The following HSDL1 variants were observed in gnomAD, a reference collection of about 807,000 sequenced individuals.
HSDL1 encodes the protein hydroxysteroid dehydrogenase like 1.
Under a neutral mutation model 31.5 loss-of-function variants are expected in HSDL1, and 29 were observed. The observed-to-expected ratio is 0.92, with a 90% CI of 0.69 to 1.26. The LOEUF (loss-of-function observed/expected upper bound fraction) is 1.26, where lower values mean the gene tolerates loss of function less well. Ranked by LOEUF, HSDL1 falls within the 50% of genes most tolerant of loss-of-function variation. The pLI is 0.00. For synonymous variants in HSDL1, 222 were observed against 155.2 expected (o/e 1.43, Z -3.20); for missense variants, 503 against 416.6 (o/e 1.21, Z -1.81).
chr16:84,143,541 T>C (rs984622956), intron 1 of HSDL1, among the ~76,000 whole-genome samples: 5 of 152,192 alleles, frequency 3.3e-5, no homozygotes, highest in Non-Finnish European at 5.9e-5. Flanking sequence ...TGCATAGCAT[T>C]GTGACTATAG....
intron 1 of HSDL1, among the ~76,000 whole-genome samples, chr16:84,137,388 C>T (rs950826765): frequency 6.6e-6 from 1 of 152,208 alleles, no homozygotes; most frequent in Non-Finnish European, 1.5e-5. Context: ...GGCGCACAGG[C>T]GTGAAGGAGA....
Position 84,124,581 on chromosome 16 carries a change from T to G in HSDL1, c.*49A>C, listed in dbSNP as rs1467025623. 9.3e-7 allele frequency: 1 copy of G among 1,077,276 alleles called. No homozygotes were observed. The highest frequency in any genetic ancestry group is 1.6e-5 in the African/African-American group (1 of 64,368). The allele number at this position is 1,077,276 out of a possible 1,614,324, so 66.7% of individuals were successfully genotyped here. A position where few individuals can be genotyped will look rare whatever the true frequency, so the allele number is the denominator to read the frequency against. On this transcript the variant is annotated 3_prime_UTR_variant, in exon 6 of 6. Transcript: ENST00000219439. ...AAATGTGTTTTTCCAAATGTCAGAATATCGAGGTTCCCAGGAGTTGGCAAA... is the reference window on the plus strand; with the variant it reads ...AAATGTGTTTTTCCAAATGTCAGAAGATCGAGGTTCCCAGGAGTTGGCAAA...
chr16:84,141,416 C>T (rs536680408), intron 1 of HSDL1, among the ~76,000 whole-genome samples: 10 of 152,206 alleles, frequency 6.6e-5, no homozygotes, highest in Non-Finnish European at 1.0e-4. Context: ...ACAGGTCCCC[C>T]TGCTGCTGGT....
chr16:84,142,133 G>C (rs761172997), intron 1 of HSDL1, among the ~76,000 whole-genome samples: 1 of 152,214 alleles, frequency 6.6e-6, no homozygotes, highest in South Asian at 2.1e-4. Context: ...TCACCATGTT[G>C]CCCAGGCTGG....
chr16:84,139,056 G>A (rs972938204), intron 1 of HSDL1, among the ~76,000 whole-genome samples: 4 of 152,194 alleles, frequency 2.6e-5, no homozygotes, highest in Non-Finnish European at 2.9e-5. Context: ...GACGTGGGGC[G>A]GGTGGTGAAA....
rs762272476 is a variant in HSDL1, at chr16:84,130,168, A to G, written c.484T>C (p.Phe162Leu). 10 of 1,614,240 alleles carry G rather than the reference A, an allele frequency of 6.2e-6. No homozygotes were observed. The Admixed American group carries it at 1.7e-4, about 27-fold the overall frequency. ...VGVFYPYPQY[F>L]TQLSEDKLWD... ...AGCTTGTCCTCGGACAGCTGAGTGAAATACTGCGGGTAGGGATAAAACACA... is the reference window on the plus strand; with the variant it reads ...AGCTTGTCCTCGGACAGCTGAGTGAGATACTGCGGGTAGGGATAAAACACA... The change falls in exon 4 of 6, where the codon TTC becomes CTC. Residue 162 changes from phenylalanine to leucine, a missense_variant. Coordinates refer to ENST00000219439, the MANE Select transcript of HSDL1 (RefSeq NM_031463.5).
intron 2 of HSDL1, among the ~76,000 whole-genome samples, chr16:84,134,055 C>A (rs1193788683): frequency 6.6e-6 from 1 of 152,114 alleles, no homozygotes; most frequent in East Asian, 1.9e-4. Context: ...GTCACCAATA[C>A]CCCTTACTGC....
At chr16:84,126,168 T>C (rs1373412748) in intron 5 of HSDL1, among the ~76,000 whole-genome samples, 1 of 149,892 alleles carries the variant, frequency 6.7e-6, no homozygotes, top group Non-Finnish European at 1.5e-5. Context: ...GACAGACGCA[T>C]ACGTGGTTAG....
Position 84,122,453 on chromosome 16 carries a change from G to C in HSDL1, c.*2177C>G, listed in dbSNP as rs975980502. ...GCTCACTTCAACCTCTGCATCCTGG[G>C]CTCAAAAAATTCTCCTGCCTCAGCC... is the stretch of plus-strand genomic sequence containing the variant. On this transcript the variant is annotated 3_prime_UTR_variant, in exon 6 of 6. Coordinates refer to ENST00000219439, the MANE Select transcript of HSDL1 (RefSeq NM_031463.5). 6.6e-6 allele frequency: 1 copy of C among 152,276 alleles called. No individual in the cohort carries two copies. 9.4% of individuals were successfully genotyped at this position (152,276 alleles called of 1,614,324 possible).
chr16:84,126,569 C>A (rs1254931018), intron 5 of HSDL1, among the ~76,000 whole-genome samples: 1 of 152,112 alleles, frequency 6.6e-6, no homozygotes, highest in Non-Finnish European at 1.5e-5. Context: ...TTGTTCAGAA[C>A]CGAATGAAAG....
chr16:84,130,172 C>G lies in HSDL1; in HGVS notation c.480G>C (p.Gln160His), dbSNP rs2151186608. ...TGTCCTCGGACAGCTGAGTGAAATA[C>G]TGCGGGTAGGGATAAAACACACCCA... Reference protein sequence around the residue: ...NNVGVFYPYPQYFTQLSEDKL... With the variant: ...NNVGVFYPYPHYFTQLSEDKL... Residue 160 changes from glutamine to histidine, a missense_variant, in exon 4 of 6, where the codon CAG becomes CAC. Gln to His is a conservative substitution (Grantham distance 24). Transcript: ENST00000219439. 1 of 1,614,214 alleles carries G rather than the reference C, an allele frequency of 6.2e-7. No homozygotes were observed. The highest frequency in any genetic ancestry group is 2.2e-5 in the East Asian group (1 of 44,888).
chr16:84,135,642 T>A (rs1284938512), intron 1 of HSDL1, 37 bp from the exon 2 acceptor site: 2 of 152,268 alleles, frequency 1.3e-5, no homozygotes, highest in African/African-American at 4.8e-5. Flanking sequence ...ATGCCTTTCC[T>A]CTTCCTCATA....
chr16:84,131,347 G>C lies in HSDL1; in HGVS notation c.-6-20C>G, dbSNP rs369666962. 7.2e-5 allele frequency: 110 copies of C among 1,517,308 alleles called. No homozygotes were observed. Among genetic ancestry groups the C allele is most frequent in the Non-Finnish European group, 9.5e-5 (104 of 1,093,126 alleles). The allele number at this position is 1,517,308 out of a possible 1,614,324, so 94.0% of individuals were successfully genotyped here. A position where few individuals can be genotyped will look rare whatever the true frequency, so the allele number is the denominator to read the frequency against. On this transcript the variant is annotated intron_variant, in intron 2 of 5. Coordinates refer to ENST00000219439, the MANE Select transcript of HSDL1 (RefSeq NM_031463.5). ...GGCAACCTGCAGGGAGAGGGAAAGA[G>C]AGAGAGCCTCTTTGATTAATAAATT... is the stretch of plus-strand genomic sequence containing the variant.
At chr16:84,137,309 G>C (rs555887483) in intron 1 of HSDL1, among the ~76,000 whole-genome samples, 2 of 152,362 alleles carry the variant, frequency 1.3e-5, no homozygotes, top group South Asian at 2.1e-4. Flanking sequence ...GCCTACTCGG[G>C]AAACATTAGG....
chr16:84,129,948 G>A, intron 4 of HSDL1, 38 bp downstream of exon 4: 1 of 1,578,906 alleles, frequency 6.3e-7, no homozygotes, highest in Non-Finnish European at 8.6e-7. Context: ...AATGTTCTGT[G>A]GCATTAGGAT....
intron 1 of HSDL1, among the ~76,000 whole-genome samples, chr16:84,140,681 T>C (rs1166053522): frequency 6.6e-6 from 1 of 152,242 alleles, no homozygotes; most frequent in Non-Finnish European, 1.5e-5. Context: ...GGAAGTCCTG[T>C]ATGCTGTTCC....
At chr16:84,143,444 G>A (rs1008274749) in intron 1 of HSDL1, among the ~76,000 whole-genome samples, 1 of 152,130 alleles carries the variant, frequency 6.6e-6, no homozygotes, top group Non-Finnish European at 1.5e-5. Context: ...CTGAGGGACA[G>A]GGGGAGAAAA....
intron 1 of HSDL1, among the ~76,000 whole-genome samples, chr16:84,143,744 C>A (rs1023979707): frequency 2.0e-5 from 3 of 151,762 alleles, no homozygotes; most frequent in Non-Finnish European, 4.4e-5. Context: ...TGTCTGTAAC[C>A]CCAGAACTTT....
At position 84,126,432 on chromosome 16, in the gene HSDL1, A is replaced by C. The variant is rs552459239; in HGVS notation, c.895-1704T>G. On this transcript the variant is annotated intron_variant, in intron 5 of 5. Transcript: ENST00000219439. ...CTGGGAGTGGATGCTACTGGTATCTAGTGGGTGGAGGCCCAGGATGGTGTT... is the reference window on the plus strand; with the variant it reads ...CTGGGAGTGGATGCTACTGGTATCTCGTGGGTGGAGGCCCAGGATGGTGTT... Among the ~76,000 whole-genome samples the C allele has an allele frequency of 2.0e-5, 3 of 152,248 alleles. 1 individual carries two copies. Among genetic ancestry groups the C allele is most frequent in the African/African-American group, 7.2e-5 (3 of 41,536 alleles).
Sources: gnomAD v4.1 joint callset for allele counts (sites outside exome capture counted in the v4.1 genomes callset) on GRCh38, gnomAD v4.1.1 for gene constraint, MANE v1.5 for transcripts, NCBI Gene and HGNC (gene_info 2026-07-23, HGNC 2026-07-21) for gene names.